The following ANKS1B variants were observed in gnomAD, a reference collection of about 807,000 sequenced individuals.
ANKS1B encodes ankyrin repeat and sterile alpha motif domain containing 1B.
Under a neutral mutation model 148.3 loss-of-function variants are expected in ANKS1B, and 36 were observed. The observed-to-expected ratio is 0.24, with a 90% CI of 0.19 to 0.32. ANKS1B has a LOEUF of 0.32. ANKS1B is among the 10% of genes least tolerant of loss of function. The pLI is 1.00. For missense variants in ANKS1B, 1,157 were observed against 1,542.6 expected (o/e 0.75, Z 4.19); for synonymous variants, 542 against 560.8 (o/e 0.97, Z 0.47).
At chr12:99,295,597 C>T (rs2080755530) in intron 12 of ANKS1B, among the ~76,000 whole-genome samples, 1 of 151,956 alleles carries the variant, frequency 6.6e-6, no homozygotes, top group Admixed American at 6.6e-5. Context: ...ATTATACTTT[C>T]AGTGTCATTC....
In ANKS1B at chr12:99,956,829, G is replaced by T. The variant is rs571605681; in HGVS notation, c.134+27275C>A. ...TATTATGTTCATTCTCCCTTTAAAA[G>T]TATAAAAATTCCAATTACCAATTGA... On this transcript the variant is annotated intron_variant, in intron 1 of 26. Transcript: ENST00000683438. Among the ~76,000 whole-genome samples the T allele has an allele frequency of 1.7e-4, 26 of 152,268 alleles. No individual in the cohort carries two copies. The South Asian group carries it at 5.2e-3, about 30-fold the overall frequency.
intron 14 of ANKS1B, among the ~76,000 whole-genome samples, chr12:99,170,617 G>A (rs770861690): frequency 2.6e-5 from 4 of 152,214 alleles, no homozygotes; most frequent in Admixed American, 6.5e-5. Flanking sequence ...CTGGTCCTGC[G>A]CCATCAGTGC....
At chr12:99,665,822 T>C in intron 8 of ANKS1B, among the ~76,000 whole-genome samples, 1 of 152,226 alleles carries the variant, frequency 6.6e-6, no homozygotes, top group East Asian at 1.9e-4. Context: ...AGTATTCTTT[T>C]TAAATATTCT....
intron 17 of ANKS1B, among the ~76,000 whole-genome samples, chr12:98,950,477 A>G (rs929937948): frequency 6.6e-6 from 1 of 152,186 alleles, no homozygotes; most frequent in African/African-American, 2.4e-5. Flanking sequence ...AGCCTGGGTA[A>G]CAGAGTGAGA....
intron 9 of ANKS1B, among the ~76,000 whole-genome samples, chr12:99,527,529 G>A (rs933933583): frequency 3.9e-5 from 6 of 152,108 alleles, no homozygotes; most frequent in South Asian, 4.1e-4. Flanking sequence ...TTACTAAATC[G>A]GAATCTCTGG....
chr12:98,926,743 T>C (rs151180268), intron 17 of ANKS1B, among the ~76,000 whole-genome samples: 119 of 152,162 alleles, frequency 7.8e-4, no homozygotes, highest in Middle Eastern at 6.8e-3. Context: ...AGCAGTGTAA[T>C]AGCTGTGATA....
intron 19 of ANKS1B, among the ~76,000 whole-genome samples, chr12:98,828,253 G>T (rs2099266641): frequency 1.3e-5 from 2 of 152,282 alleles, no homozygotes; most frequent in South Asian, 4.1e-4. Flanking sequence ...CATCACATTT[G>T]TCTCTCGTGA....
Position 98,950,500 on chromosome 12 carries a change from G to C in ANKS1B, c.2778+102657C>G, listed in dbSNP as rs140146487. ...TAACAGAGTGAGACTCTGTCTCAAA[G>C]AAAAGAAAGAAGAAAAGAAACAGCA... On this transcript the variant is annotated intron_variant, in intron 17 of 26. Transcript: ENST00000683438. Among the ~76,000 whole-genome samples, 47 of 152,166 alleles carry C rather than the reference G, an allele frequency of 3.1e-4. No homozygotes were observed. The East Asian group carries it at 8.7e-3, about 28-fold the overall frequency.
chr12:99,350,427 T>C (rs1175781382), intron 12 of ANKS1B, among the ~76,000 whole-genome samples: 1 of 151,958 alleles, frequency 6.6e-6, no homozygotes, highest in African/African-American at 2.4e-5. Context: ...TTAAAAACTA[T>C]GATGAAAAAA....
At chr12:99,190,083 A>C (rs2080443903) in intron 14 of ANKS1B, among the ~76,000 whole-genome samples, 1 of 152,220 alleles carries the variant, frequency 6.6e-6, no homozygotes, top group Admixed American at 6.5e-5. Flanking sequence ...GTGAACTCCC[A>C]TTCACAATTG....
chr12:99,411,229 G>T (rs1037198185), intron 11 of ANKS1B, among the ~76,000 whole-genome samples: 6 of 152,066 alleles, frequency 3.9e-5, no homozygotes, highest in African/African-American at 1.5e-4. Context: ...AGAGTCCCCA[G>T]TGTCTACTGT....
At chr12:98,765,427 C>A (rs2098467533) in intron 25 of ANKS1B, among the ~76,000 whole-genome samples, 1 of 151,762 alleles carries the variant, frequency 6.6e-6, no homozygotes, top group Non-Finnish European at 1.5e-5. Flanking sequence ...CCACGCCTGG[C>A]TAATTTTTGT....
intron 1 of ANKS1B, among the ~76,000 whole-genome samples, chr12:99,979,893 G>T (rs373604729): frequency 3.3e-4 from 50 of 152,032 alleles, no homozygotes; most frequent in African/African-American, 1.2e-3. Flanking sequence ...GTTGAAGAGA[G>T]GTGCTTTGGG....
intron 10 of ANKS1B, among the ~76,000 whole-genome samples, chr12:99,503,770 C>CA (rs879390919): frequency 2.6e-4 from 37 of 143,272 alleles, no homozygotes; most frequent in South Asian, 4.5e-4. Flanking sequence ...ATTACCAAAC[C>CA]AAAAAAAAAA....
chr12:99,192,670 G>A (rs183998994), intron 14 of ANKS1B, among the ~76,000 whole-genome samples: 19 of 152,040 alleles, frequency 1.2e-4, no homozygotes, highest in Admixed American at 5.2e-4. Flanking sequence ...ATTGAAAAAC[G>A]TATACAAATA....
chr12:98,794,258 G>A (rs1473156829), intron 22 of ANKS1B, among the ~76,000 whole-genome samples: 1 of 151,892 alleles, frequency 6.6e-6, no homozygotes, highest in Non-Finnish European at 1.5e-5. Flanking sequence ...CAGGCATGGT[G>A]GCAGGCGCCT....
intron 10 of ANKS1B, among the ~76,000 whole-genome samples, chr12:99,473,710 T>A (rs2096275691): frequency 6.6e-6 from 1 of 152,106 alleles, no homozygotes; most frequent in African/African-American, 2.4e-5. Flanking sequence ...TTATTGGTTA[T>A]TCAAAATTCA....
intron 18 of ANKS1B, among the ~76,000 whole-genome samples, chr12:98,830,237 A>G (rs2099291098): frequency 6.6e-6 from 1 of 152,140 alleles, no homozygotes; most frequent in African/African-American, 2.4e-5. Context: ...TAGCAAAATG[A>G]AGGCAAAACA....
intron 9 of ANKS1B, among the ~76,000 whole-genome samples, chr12:99,522,556 A>G (rs2096885432): frequency 2.6e-5 from 4 of 152,250 alleles, no homozygotes; most frequent in Admixed American, 2.6e-4. Flanking sequence ...ATTTAAAACT[A>G]TCAGTGGTGG....
Sources: gnomAD v4.1 joint callset for allele counts (sites outside exome capture counted in the v4.1 genomes callset) on GRCh38, gnomAD v4.1.1 for gene constraint, MANE v1.5 for transcripts, NCBI Gene and HGNC (gene_info 2026-07-23, HGNC 2026-07-21) for gene names.